Variants in MON2 observed in about 807,000 individuals in gnomAD.
MON2 encodes the protein MON2 regulator of endosome-to-Golgi trafficking, also known as protein MON2 homolog.
In MON2, 84 loss-of-function variants were observed where a neutral mutation model predicts 208.6. The ratio of observed to expected loss-of-function variants is 0.40; its 90% CI spans 0.34 to 0.48. The LOEUF is 0.48. Ranked by LOEUF, MON2 falls within the 20% of genes least tolerant of loss-of-function variation. The pLI is 0.59. For synonymous variants in MON2, 660 were observed against 694.0 expected, an observed-to-expected ratio of 0.95 and a Z score of 0.77; for missense variants, 1,611 against 2,015.4, an observed-to-expected ratio of 0.80 and a Z score of 3.84.
At chr12:62,546,036 G>A (rs1488290528) in intron 21 of MON2, among the ~76,000 whole-genome samples, 2 of 152,164 alleles carry the variant, frequency 1.3e-5, no homozygotes, top group African/African-American at 2.4e-5. Flanking sequence ...AGGGTTTTCA[G>A]ATGCTGAAAG....
In MON2 at chr12:62,555,808, A is replaced by C. The variant is rs887885005; in HGVS notation, c.3211-186A>C. On this transcript the variant is annotated intron_variant, in intron 24 of 34. Transcript: ENST00000393630. ...TGGATGATAGAGTGAGACTCCATCT[A>C]AAAAAAAAAAAAAAAAAAGAATGTA... Among the ~76,000 whole-genome samples the C allele has an allele frequency of 5.3e-4, 22 of 41,142 alleles. No homozygotes were observed. The East Asian group carries it at 0.02, about 38-fold the overall frequency. 27.0% of individuals were successfully genotyped at this position (41,142 alleles called of 152,430 possible). A position where few individuals can be genotyped will look rare whatever the true frequency, so the allele number is the denominator to read the frequency against.
chr12:62,548,297 A>G (rs1412375952), intron 22 of MON2, among the ~76,000 whole-genome samples: 1 of 152,168 alleles, frequency 6.6e-6, no homozygotes, highest in Non-Finnish European at 1.5e-5. Flanking sequence ...AGCAATCAGG[A>G]GTGACTTCTA....
chr12:62,530,424 G>C (rs1461695113), intron 11 of MON2, among the ~76,000 whole-genome samples: 1 of 151,724 alleles, frequency 6.6e-6, no homozygotes, highest in Non-Finnish European at 1.5e-5. Flanking sequence ...GTAGAGACAG[G>C]GTTTCACCGT....
At chr12:62,506,587 G>C (rs2071110137) in intron 7 of MON2, among the ~76,000 whole-genome samples, 1 of 152,236 alleles carries the variant, frequency 6.6e-6, no homozygotes, top group Non-Finnish European at 1.5e-5. Flanking sequence ...TTAGCCAGGT[G>C]TGGTGGCAGA....
Position 62,500,851 on chromosome 12 carries a change from TG to T in MON2, c.635del (p.Cys212LeufsTer24). ...NRRSVSTLKP[C>X]AKDAYMLFQD... is the part of the protein sequence containing the mutation. ...AAGATCTGTCAGTACCCTCAAACCT[TG>T]TGCTAAAGATGCATATATGCTTTTC... On this transcript the variant is annotated frameshift_variant, in exon 6 of 35. Transcript: ENST00000393630. LOFTEE classifies it high-confidence loss of function. 6.3e-7 allele frequency: 1 copy of T among 1,588,370 alleles called. No individual in the cohort carries two copies. The highest frequency in any genetic ancestry group is 1.2e-5 in the South Asian group (1 of 86,302).
At position 62,466,987 on chromosome 12, in the gene MON2, G is replaced by A. The variant is rs1022885081; in HGVS notation, c.-221G>A. The A allele has an allele frequency of 1.7e-5, 9 of 536,764 alleles. No homozygotes were observed. Among genetic ancestry groups the A allele is most frequent in the Non-Finnish European group, 3.0e-5 (9 of 302,556 alleles). 33.3% of individuals were successfully genotyped at this position (536,764 alleles called of 1,614,324 possible). ...GGCCAGAGTCGGCGGAGCCTAGCGGGACGGTGCGACTGCGGGGGGCGCCTC... is the reference window on the plus strand; with the variant it reads ...GGCCAGAGTCGGCGGAGCCTAGCGGAACGGTGCGACTGCGGGGGGCGCCTC... On this transcript the variant is annotated 5_prime_UTR_variant, in exon 1 of 35. Transcript: ENST00000393630.
At chr12:62,582,867 A>G (rs984677655) in intron 32 of MON2, among the ~76,000 whole-genome samples, 19 of 152,248 alleles carry the variant, frequency 1.2e-4, no homozygotes, top group African/African-American at 4.6e-4. Flanking sequence ...GCTCACAGAC[A>G]TTTGAGGAAA....
In MON2 at chr12:62,594,971, G is replaced by C. The variant is rs775110590; in HGVS notation, c.*2222G>C. The C allele has an allele frequency of 4.6e-5, 7 of 152,070 alleles. No homozygotes were observed. The highest frequency in any genetic ancestry group is 8.8e-5 in the Non-Finnish European group (6 of 68,032). 9.4% of individuals were successfully genotyped at this position (152,070 alleles called of 1,614,324 possible). A position where few individuals can be genotyped will look rare whatever the true frequency, so the allele number is the denominator to read the frequency against. The stretch of plus-strand genomic sequence containing the variant: ...TGCCCTTGTCTTGTTAGTATGAATT[G>C]GGTTCTCCAGTGACTAGAAGAACTG... On this transcript the variant is annotated 3_prime_UTR_variant, in exon 35 of 35. Transcript: ENST00000393630.
chr12:62,495,296 G>C, intron 4 of MON2, 149 bp downstream of exon 4: 1 of 670,422 alleles, frequency 1.5e-6, no homozygotes. Context: ...ATAACTGTTG[G>C]TACCTTATTT....
intron 23 of MON2, 62 bp from the exon 24 acceptor site, chr12:62,552,819 C>A: frequency 7.9e-7 from 1 of 1,262,042 alleles, no homozygotes; most frequent in Non-Finnish European, 1.1e-6. Context: ...CCACATGTTG[C>A]ATATTTATGT....
chr12:62,546,791 C>T (rs1464236339), intron 21 of MON2, 106 bp from the exon 22 acceptor site: 2 of 802,398 alleles, frequency 2.5e-6, no homozygotes, highest in Non-Finnish European at 1.9e-6. Context: ...ATATCTATTT[C>T]CCATAGTAGT....
chr12:62,545,249 C>A lies in MON2; in HGVS notation c.2577+241C>A, dbSNP rs143140806. On this transcript the variant is annotated intron_variant, in intron 21 of 34. Transcript: ENST00000393630. ...CTAAGTTAAATTACCTGGAATTGGT[C>A]TCACGTTCATAAGTTTTCCTCTTCA... is the stretch of plus-strand genomic sequence containing the variant. Among the ~76,000 whole-genome samples the A allele has an allele frequency of 2.3e-3, 344 of 151,874 alleles. 5 individuals carry two copies. Among genetic ancestry groups the A allele is most frequent in the African/African-American group, 7.5e-3 (313 of 41,464 alleles).
In MON2 at chr12:62,556,192, G is replaced by C; in HGVS notation, c.3409G>C (p.Gly1137Arg). Residue 1137 changes from glycine (G) to arginine (R), a missense_variant and splice_region_variant, in exon 25 of 35, where the codon GGA becomes CGA. By Grantham distance (125) the Gly-to-Arg change is moderately radical. Coordinates refer to ENST00000393630, the MANE Select transcript of MON2 (RefSeq NM_015026.3). ...NTRRYLLQPLGDFSRAWDVLL... is the reference protein window; with the variant it reads ...NTRRYLLQPLRDFSRAWDVLL... ...TAGAAGATATTTGCTGCAGCCTTTA[G>C]GTATACGTACATTTTTTTCTGATTA... 6.2e-7 allele frequency: 1 copy of C among 1,612,990 alleles called. No individual in the cohort carries two copies. Among genetic ancestry groups the C allele is most frequent in the Non-Finnish European group, 8.5e-7 (1 of 1,179,570 alleles).
rs201386044 is a variant in MON2, at chr12:62,578,517, A to G, written c.4575+12A>G. The G allele has an allele frequency of 2.7e-6, 4 of 1,477,426 alleles. No homozygotes were observed. Among genetic ancestry groups the G allele is most frequent in the Non-Finnish European group, 3.7e-6 (4 of 1,081,918 alleles). 91.5% of individuals were successfully genotyped at this position (1,477,426 alleles called of 1,614,324 possible). ...ATATTGATGTCGAGGTAAGGAGGCT[A>G]TTTAAAATGTTTTCCTGTGACCATT... On this transcript the variant is annotated intron_variant, in intron 31 of 34. Coordinates refer to ENST00000393630, the MANE Select transcript of MON2 (RefSeq NM_015026.3).
intron 19 of MON2, among the ~76,000 whole-genome samples, 185 bp from the exon 20 acceptor site, chr12:62,542,912 T>G (rs2073302820): frequency 1.3e-5 from 2 of 152,210 alleles, no homozygotes; most frequent in South Asian, 2.1e-4. Context: ...GGAGCTATTT[T>G]GGATACTTAA....
rs1418413885 is a variant in MON2 at position 62,597,290 on chromosome 12, CCT to C, written c.*4542_*4543del. 4 of 151,848 alleles carry C rather than the reference CCT, an allele frequency of 2.6e-5. No homozygotes were observed. The highest frequency in any genetic ancestry group is 4.4e-5 in the Non-Finnish European group (3 of 67,958). The allele number at this position is 151,848 out of a possible 1,614,324, so 9.4% of individuals were successfully genotyped here. A position where few individuals can be genotyped will look rare whatever the true frequency, so the allele number is the denominator to read the frequency against. The stretch of plus-strand genomic sequence containing the variant: ...CGTTACCATCTTTCTTATACTTTCC[CCT>C]GATTTTTCTCTTTTAATTCCTCTTT... On this transcript the variant is annotated 3_prime_UTR_variant, in exon 35 of 35. Transcript: ENST00000393630.
In MON2 at chr12:62,537,525, AT is replaced by A. The variant is rs1379805583; in HGVS notation, c.2014-75del. On this transcript the variant is annotated intron_variant, in intron 15 of 34. Coordinates refer to ENST00000393630, the MANE Select transcript of MON2 (RefSeq NM_015026.3). ...TTTCTTTAAAAAAATCTTTTAACAC[AT>A]TAATGCTACTTTATAAGCTTTTAAT... The A allele has an allele frequency of 2.7e-6, 3 of 1,128,180 alleles. No individual in the cohort carries two copies. In the African/African-American group the frequency reaches 4.8e-5, roughly 18 times the overall value. 69.9% of individuals were successfully genotyped at this position (1,128,180 alleles called of 1,614,324 possible).
At chr12:62,536,635 CTTAATAT>C (rs1333367032) in intron 14 of MON2, among the ~76,000 whole-genome samples, 1 of 151,118 alleles carries the variant, frequency 6.6e-6, no homozygotes, top group African/African-American at 2.4e-5. Flanking sequence ...TAGAAAATTA[CTTAATAT>C]TTGCTTAACT....
intron 2 of MON2, among the ~76,000 whole-genome samples, chr12:62,492,279 T>A (rs573867897): frequency 2.3e-4 from 35 of 152,320 alleles, no homozygotes; most frequent in African/African-American, 8.2e-4. Context: ...TTGTGTCAAT[T>A]TCTTTTGAGA....
Sources: gnomAD v4.1 joint callset for allele counts (sites outside exome capture counted in the v4.1 genomes callset) on GRCh38, gnomAD v4.1.1 for gene constraint, MANE v1.5 for transcripts, NCBI Gene and HGNC (gene_info 2026-07-23, HGNC 2026-07-21) for gene names.